Variants in NTM observed in about 807,000 individuals in gnomAD.
NTM encodes the protein IgLON family member 2.
NTM carries 13 observed loss-of-function variants against 42.1 expected under a neutral mutation model. That is an observed-to-expected ratio of 0.31 (90% CI 0.20 to 0.49). The LOEUF (loss-of-function observed/expected upper bound fraction) is 0.49. Among genes scored for constraint, NTM ranks in the 20% least tolerant of loss-of-function variants. The pLI is 0.99. For synonymous variants in NTM, 187 were observed against 179.2 expected, an observed-to-expected ratio of 1.04 and a Z score of -0.35; for missense variants, 373 against 452.8, an observed-to-expected ratio of 0.82 and a Z score of 1.60.
At chr11:132,283,803 G>A (rs993540043) in intron 4 of NTM, among the ~76,000 whole-genome samples, 22 of 152,066 alleles carry the variant, frequency 1.4e-4, no homozygotes, top group African/African-American at 5.3e-4. Context: ...CTGTTCAATG[G>A]GGGGCTTTAG....
intron 1 of NTM, among the ~76,000 whole-genome samples, chr11:131,650,586 A>G (rs2066353991): frequency 6.6e-6 from 1 of 152,230 alleles, no homozygotes; most frequent in Non-Finnish European, 1.5e-5. Flanking sequence ...AGATAAAATG[A>G]GATTATGTGC....
At chr11:132,255,837 G>A (rs1315449559) in intron 4 of NTM, among the ~76,000 whole-genome samples, 2 of 151,950 alleles carry the variant, frequency 1.3e-5, no homozygotes, top group East Asian at 1.9e-4. Context: ...CTCCACTGCC[G>A]TCCTGTTGCT....
chr11:131,809,892 C>T (rs2092668249), intron 1 of NTM, among the ~76,000 whole-genome samples: 1 of 152,162 alleles, frequency 6.6e-6, no homozygotes, highest in Non-Finnish European at 1.5e-5. Context: ...TTCCAAATTC[C>T]TGCCTTGACG....
At chr11:132,079,644 CCT>C (rs1364915980) in intron 2 of NTM, among the ~76,000 whole-genome samples, 21 of 152,158 alleles carry the variant, frequency 1.4e-4, no homozygotes, top group Non-Finnish European at 4.4e-5. Context: ...TAGGCTAACT[CCT>C]CTTTTGCATG....
intron 2 of NTM, among the ~76,000 whole-genome samples, chr11:132,078,916 G>T (rs2058690698): frequency 6.6e-6 from 1 of 152,160 alleles, no homozygotes; most frequent in African/African-American, 2.4e-5. Flanking sequence ...TTTCAATAAG[G>T]AGAAGTCCAA....
intron 2 of NTM, among the ~76,000 whole-genome samples, chr11:132,010,442 C>A (rs1304508028): frequency 6.6e-6 from 1 of 152,184 alleles, no homozygotes; most frequent in Non-Finnish European, 1.5e-5. Flanking sequence ...CTCATACCTT[C>A]CCAGCCTCTA....
chr11:132,050,256 G>A (rs1416435630), intron 2 of NTM, among the ~76,000 whole-genome samples: 1 of 152,178 alleles, frequency 6.6e-6, no homozygotes, highest in Non-Finnish European at 1.5e-5. Context: ...TCAAGCAGCT[G>A]GAGAGGGAAG....
intron 1 of NTM, among the ~76,000 whole-genome samples, chr11:131,574,079 T>C (rs1379894841): frequency 6.6e-6 from 1 of 152,152 alleles, no homozygotes; most frequent in Non-Finnish European, 1.5e-5. Context: ...GCTGTGCAGG[T>C]GTGGGAGCTA....
chr11:132,200,838 C>A (rs140179220), intron 3 of NTM, among the ~76,000 whole-genome samples: 1 of 152,144 alleles, frequency 6.6e-6, no homozygotes. Flanking sequence ...CTCTTAAGGG[C>A]AAGAGGAGAA....
intron 2 of NTM, among the ~76,000 whole-genome samples, chr11:132,024,628 C>T (rs1397113939): frequency 6.6e-6 from 1 of 152,156 alleles, no homozygotes; most frequent in African/African-American, 2.4e-5. Context: ...AAATGTGGGA[C>T]TGGCTTCTCT....
chr11:131,832,588 C>A (rs940296786), intron 1 of NTM, among the ~76,000 whole-genome samples: 1 of 152,160 alleles, frequency 6.6e-6, no homozygotes. Flanking sequence ...GGATATGAGG[C>A]AGCTTAGTGT....
rs1033888785 is a variant in NTM at position 132,321,109 on chromosome 11, A to C, written c.934+6406A>C. Among the ~76,000 whole-genome samples, 12 of 152,292 alleles carry C rather than the reference A, an allele frequency of 7.9e-5. No individual in the cohort carries two copies. In the East Asian group the frequency reaches 1.5e-3, roughly 20 times the overall value. ...AACAGAAAAACTGGAAACTCTAAAA[A>C]GCTGAGCGCCTCTCCTCCTCCAAAG... On this transcript the variant is annotated intron_variant, in intron 7 of 8. Transcript: ENST00000683400.
At chr11:132,103,067 G>A (rs1056244345) in intron 2 of NTM, among the ~76,000 whole-genome samples, 2 of 152,228 alleles carry the variant, frequency 1.3e-5, no homozygotes, top group Non-Finnish European at 2.9e-5. Flanking sequence ...ACTGATGCCA[G>A]GGCCGGCCTT....
chr11:131,514,033 A>C (rs1205953309), intron 1 of NTM, among the ~76,000 whole-genome samples: 1 of 152,150 alleles, frequency 6.6e-6, no homozygotes, highest in Non-Finnish European at 1.5e-5. Context: ...CTTCACCAGG[A>C]GAAATTATTA....
chr11:131,811,719 T>A (rs373667079), intron 1 of NTM, among the ~76,000 whole-genome samples: 3 of 152,296 alleles, frequency 2.0e-5, no homozygotes, highest in African/African-American at 7.2e-5. Flanking sequence ...ATGGATGGGC[T>A]CATTTACATG....
chr11:132,122,088 C>T lies in NTM; in HGVS notation c.168-24194C>T, dbSNP rs114035960. Among the ~76,000 whole-genome samples, 1,369 of 152,276 alleles carry T rather than the reference C, an allele frequency of 9.0e-3. 26 individuals carry two copies. The highest frequency in any genetic ancestry group is 0.031 in the African/African-American group (1,273 of 41,534). ...TGAAATGTAGGCAAAGTGCTATAGG[C>T]GCTGAATTGCGTGTTTAGGAAAGCT... On this transcript the variant is annotated intron_variant, in intron 2 of 8. Transcript: ENST00000683400.
At chr11:132,196,504 G>A (rs1055866935) in intron 3 of NTM, among the ~76,000 whole-genome samples, 9 of 152,168 alleles carry the variant, frequency 5.9e-5, no homozygotes, top group South Asian at 2.1e-4. Flanking sequence ...TGTTTATTGC[G>A]GCACTATTCA....
intron 1 of NTM, chr11:131,909,601 G>A (rs1297593344): frequency 2.0e-5 from 3 of 152,274 alleles, no homozygotes; most frequent in African/African-American, 4.8e-5. Context: ...TGAGAAGGGA[G>A]CATTATTAAT....
At chr11:131,401,225 C>A (rs1156313974) in intron 1 of NTM, among the ~76,000 whole-genome samples, 1 of 152,128 alleles carries the variant, frequency 6.6e-6, no homozygotes, top group African/African-American at 2.4e-5. Flanking sequence ...AAAGAATACA[C>A]TCTCAGGTCA....
Sources: gnomAD v4.1 joint callset for allele counts (sites outside exome capture counted in the v4.1 genomes callset) on GRCh38, gnomAD v4.1.1 for gene constraint, MANE v1.5 for transcripts, NCBI Gene and HGNC (gene_info 2026-07-23, HGNC 2026-07-21) for gene names.